The following GABRB1 variants were observed in gnomAD, a reference collection of about 807,000 sequenced individuals.
The protein encoded by GABRB1 is gamma-aminobutyric acid type A receptor subunit beta1, also known as gamma-aminobutyric acid receptor subunit beta-1.
In GABRB1, 17 loss-of-function variants were observed where a neutral mutation model predicts 51.6. The ratio of observed to expected loss-of-function variants is 0.33; its 90% CI spans 0.23 to 0.49. The LOEUF (loss-of-function observed/expected upper bound fraction) is 0.49. Ranked by LOEUF, GABRB1 falls within the 20% of genes least tolerant of loss-of-function variation. GABRB1 has a pLI of 0.99. For missense variants in GABRB1, 410 were observed against 600.6 expected (o/e 0.68, Z 3.32); for synonymous variants, 247 against 218.9 (o/e 1.13, Z -1.14).
intron 4 of GABRB1, among the ~76,000 whole-genome samples, chr4:47,299,918 T>G (rs1185674494): frequency 6.6e-6 from 1 of 151,784 alleles, no homozygotes; most frequent in Non-Finnish European, 1.5e-5. Context: ...CCATAAAAAA[T>G]GATGAGTTCA....
intron 3 of GABRB1, among the ~76,000 whole-genome samples, chr4:47,141,875 A>G (rs1251512787): frequency 6.6e-6 from 1 of 151,952 alleles, no homozygotes; most frequent in African/African-American, 2.4e-5. Context: ...CCAAAAACTT[A>G]GCTATCACAG....
chr4:47,328,974 T>C, intron 5 of GABRB1, among the ~76,000 whole-genome samples: 1 of 151,936 alleles, frequency 6.6e-6, no homozygotes. Context: ...CTAGCTTAGA[T>C]ATGGAAATTG....
chr4:47,238,388 A>G (rs1379904755), intron 4 of GABRB1, among the ~76,000 whole-genome samples: 2 of 152,126 alleles, frequency 1.3e-5, no homozygotes, highest in Non-Finnish European at 2.9e-5. Flanking sequence ...TCAACCTTCA[A>G]TCTAGTCAAA....
chr4:47,262,593 G>C (rs7686683), intron 4 of GABRB1, among the ~76,000 whole-genome samples: 28,980 of 151,984 alleles, frequency 0.19, 2,835 homozygotes, highest in East Asian at 0.25. Flanking sequence ...TACACTGTTG[G>C]TGGGAGTGTA....
At chr4:47,259,174 T>C (rs1179850300) in intron 4 of GABRB1, among the ~76,000 whole-genome samples, 1 of 152,082 alleles carries the variant, frequency 6.6e-6, no homozygotes, top group Admixed American at 6.6e-5. Flanking sequence ...CATGCCTCTA[T>C]GAATTCACTT....
At chr4:47,420,319 A>G (rs919604102) in intron 8 of GABRB1, among the ~76,000 whole-genome samples, 1 of 152,190 alleles carries the variant, frequency 6.6e-6, no homozygotes, top group Non-Finnish European at 1.5e-5. Flanking sequence ...GGAGAAAAGA[A>G]GTTGTACATG....
chr4:47,160,410 T>C (rs557257413), intron 3 of GABRB1, among the ~76,000 whole-genome samples: 2 of 152,266 alleles, frequency 1.3e-5, no homozygotes, highest in East Asian at 3.9e-4. Context: ...CATCGATAAG[T>C]TGTAATTCAA....
At chr4:47,123,912 TA>T (rs1236328137) in intron 3 of GABRB1, among the ~76,000 whole-genome samples, 8 of 57,316 alleles carry the variant, frequency 1.4e-4, no homozygotes, top group Non-Finnish European at 2.9e-4. Flanking sequence ...TATTATATAT[TA>T]ATATATGATA....
intron 3 of GABRB1, among the ~76,000 whole-genome samples, chr4:47,053,927 G>A (rs1395563041): frequency 1.3e-5 from 2 of 152,080 alleles, no homozygotes; most frequent in South Asian, 2.1e-4. Context: ...ATTGTTGCAC[G>A]TGCATTGCTT....
At chr4:47,388,755 G>A (rs1357225006) in intron 5 of GABRB1, among the ~76,000 whole-genome samples, 4 of 152,106 alleles carry the variant, frequency 2.6e-5, no homozygotes, top group Admixed American at 6.5e-5. Flanking sequence ...TGGAAACTGT[G>A]AGCAGAAAAA....
chr4:47,395,633 T>A (rs562351420), intron 5 of GABRB1, among the ~76,000 whole-genome samples: 1 of 152,218 alleles, frequency 6.6e-6, no homozygotes, highest in Non-Finnish European at 1.5e-5. Context: ...AGAAAATACA[T>A]AGGATGCCAA....
chr4:47,019,873 T>TTA (rs1358881706), intron 1 of GABRB1, among the ~76,000 whole-genome samples: 4 of 141,996 alleles, frequency 2.8e-5, no homozygotes, highest in South Asian at 2.4e-4. Context: ...CCTGGCTAAT[T>TTA]TATATATATA....
At chr4:47,219,565 T>C (rs1207385807) in intron 4 of GABRB1, among the ~76,000 whole-genome samples, 1 of 151,858 alleles carries the variant, frequency 6.6e-6, no homozygotes, top group Admixed American at 6.6e-5. Context: ...GTTGTTCACA[T>C]TTGGCTTGTG....
At chr4:47,057,507 C>CTAAA (rs1726664559) in intron 3 of GABRB1, among the ~76,000 whole-genome samples, 1 of 152,312 alleles carries the variant, frequency 6.6e-6, no homozygotes, top group Non-Finnish European at 1.5e-5. Flanking sequence ...AGTGCTTAGG[C>CTAAA]TAAAGATGAG....
intron 4 of GABRB1, among the ~76,000 whole-genome samples, chr4:47,299,300 G>A (rs1476711525): frequency 6.6e-6 from 1 of 151,956 alleles, no homozygotes; most frequent in Non-Finnish European, 1.5e-5. Context: ...GAGTGAACAG[G>A]CAACCTACAA....
intron 8 of GABRB1, among the ~76,000 whole-genome samples, chr4:47,408,864 AC>A (rs1485581953): frequency 6.6e-6 from 1 of 152,196 alleles, no homozygotes; most frequent in Non-Finnish European, 1.5e-5. Context: ...GGAAAACCCT[AC>A]CCAAAAAAGG....
chr4:47,002,345 T>G (rs541114958), intron 1 of GABRB1, among the ~76,000 whole-genome samples: 1 of 152,348 alleles, frequency 6.6e-6, no homozygotes, highest in East Asian at 1.9e-4. Flanking sequence ...ATGTGTTGTG[T>G]ATTTTATGCA....
intron 7 of GABRB1, among the ~76,000 whole-genome samples, chr4:47,406,084 A>G (rs1201081570): frequency 1.3e-5 from 2 of 152,152 alleles, no homozygotes; most frequent in African/African-American, 4.8e-5. Flanking sequence ...TGTAAAATAT[A>G]CATAAATCAA....
At position 47,214,272 on chromosome 4, in the gene GABRB1, T is replaced by C. The variant is rs1406633628; in HGVS notation, c.461+52803T>C. Reference sequence around the variant, plus strand: ...GTTTACCACGGGTGGTGGGACTCCCTTTGTTTACAGTGAACATGATTTGTG... The same window carrying C: ...GTTTACCACGGGTGGTGGGACTCCCCTTGTTTACAGTGAACATGATTTGTG... On this transcript the variant is annotated intron_variant, in intron 4 of 8. Coordinates refer to ENST00000295454, the MANE Select transcript of GABRB1 (RefSeq NM_000812.4). 3.3e-5 allele frequency among the ~76,000 whole-genome samples: 5 copies of C among 152,320 alleles called. No homozygotes were observed. The South Asian group carries it at 8.3e-4, about 25-fold the overall frequency.
Sources: allele counts gnomAD v4.1 joint callset (sites outside exome capture counted in the v4.1 genomes callset), GRCh38; gene constraint gnomAD v4.1.1; transcripts MANE v1.5; gene names NCBI Gene and HGNC (gene_info 2026-07-23, HGNC 2026-07-21).